SMIM14: variants seen among roughly 807,000 people sequenced by gnomAD.
SMIM14 encodes the protein chromosome 4 open reading frame 34.
Under a neutral mutation model 12.6 loss-of-function variants are expected in SMIM14, and 5 were observed. The ratio of observed to expected loss-of-function variants is 0.40; its 90% confidence interval spans 0.21 to 0.83. SMIM14 has a LOEUF of 0.83. Among genes scored for constraint, SMIM14 ranks in the 40% least tolerant of loss-of-function variants. SMIM14 has a pLI of 0.37. For synonymous variants in SMIM14, 30 were observed against 40.1 expected, an observed-to-expected ratio of 0.75 and a Z score of 0.95; for missense variants, 86 against 119.1, an observed-to-expected ratio of 0.72 and a Z score of 1.29.
chr4:39,610,811 T>C (rs905322296), intron 1 of SMIM14, among the ~76,000 whole-genome samples: 2 of 152,078 alleles, frequency 1.3e-5, no homozygotes, highest in Non-Finnish European at 2.9e-5. Context: ...ACATTTCTTA[T>C]GAGTATGTAT....
At chr4:39,632,897 TA>T (rs1234432827) in intron 1 of SMIM14, among the ~76,000 whole-genome samples, 1 of 150,234 alleles carries the variant, frequency 6.7e-6, no homozygotes, top group Admixed American at 6.7e-5. Flanking sequence ...ATAAATAAAT[TA>T]AAAAAATATT....
At chr4:39,589,353 C>G (rs1371292727) in intron 2 of SMIM14, among the ~76,000 whole-genome samples, 1 of 152,188 alleles carries the variant, frequency 6.6e-6, no homozygotes, top group African/African-American at 2.4e-5. Flanking sequence ...TCCCACAGTG[C>G]TGGGATTACA....
chr4:39,574,995 G>T (rs918329710), intron 2 of SMIM14, among the ~76,000 whole-genome samples: 1 of 151,574 alleles, frequency 6.6e-6, no homozygotes, highest in African/African-American at 2.4e-5. Flanking sequence ...AATTAGCCAG[G>T]CCTGGTGGTA....
At chr4:39,564,935 G>C (rs142097443) in intron 3 of SMIM14, among the ~76,000 whole-genome samples, 2 of 152,158 alleles carry the variant, frequency 1.3e-5, no homozygotes, top group African/African-American at 2.4e-5. Flanking sequence ...GATTAAGCTG[G>C]GTGTGGTGGC....
At chr4:39,628,002 G>T (rs1051396755) in intron 1 of SMIM14, among the ~76,000 whole-genome samples, 2 of 152,156 alleles carry the variant, frequency 1.3e-5, no homozygotes, top group Admixed American at 1.3e-4. Flanking sequence ...GTCATGGAGA[G>T]AAAATTTTTT....
rs775442112 is a variant in SMIM14 at position 39,635,257 on chromosome 4, T to A, written c.-36+3482A>T. The stretch of plus-strand genomic sequence containing the variant: ...ATTAGAATACAGGAAGAAACTCACA[T>A]GGCCAGGCTCCAGGGTACTGAACTA... On this transcript the variant is annotated intron_variant, in intron 1 of 4. Coordinates refer to ENST00000295958, the MANE Select transcript of SMIM14 (RefSeq NM_174921.3). Among the ~76,000 whole-genome samples the A allele has an allele frequency of 2.0e-5, 3 of 152,168 alleles. 1 individual carries two copies. The highest frequency in any genetic ancestry group is 1.3e-4 in the Admixed American group (2 of 15,258).
intron 2 of SMIM14, among the ~76,000 whole-genome samples, chr4:39,583,035 A>G (rs974136074): frequency 6.6e-6 from 1 of 151,530 alleles, no homozygotes; most frequent in Non-Finnish European, 1.5e-5. Context: ...CAGATGTTCC[A>G]CCCGCCTCAG....
chr4:39,627,164 C>T (rs946827504), intron 1 of SMIM14, among the ~76,000 whole-genome samples: 1 of 152,124 alleles, frequency 6.6e-6, no homozygotes, highest in African/African-American at 2.4e-5. Context: ...GGCACTACTC[C>T]TCATGATGAT....
At chr4:39,623,201 A>AG (rs890065052) in intron 1 of SMIM14, among the ~76,000 whole-genome samples, 1 of 152,228 alleles carries the variant, frequency 6.6e-6, no homozygotes, top group Non-Finnish European at 1.5e-5. Flanking sequence ...AAACCTGCCA[A>AG]GGGGGGAGAG....
chr4:39,579,464 G>T (rs1180206472), intron 2 of SMIM14, among the ~76,000 whole-genome samples: 5 of 151,034 alleles, frequency 3.3e-5, no homozygotes, highest in Non-Finnish European at 7.4e-5. Flanking sequence ...AAGGGATTAA[G>T]AGAATGGAAG....
At chr4:39,623,804 G>A (rs942910247) in intron 1 of SMIM14, among the ~76,000 whole-genome samples, 3 of 152,194 alleles carry the variant, frequency 2.0e-5, no homozygotes, top group African/African-American at 7.2e-5. Context: ...AGAGGTTGCA[G>A]TGAGCAGAGA....
At chr4:39,568,012 T>G (rs376198200) in intron 3 of SMIM14, among the ~76,000 whole-genome samples, 25 of 152,264 alleles carry the variant, frequency 1.6e-4, no homozygotes, top group African/African-American at 6.0e-4. Context: ...GCGCGGTAGC[T>G]CACGCCTGTA....
chr4:39,610,036 G>C (rs1714967471), intron 1 of SMIM14, among the ~76,000 whole-genome samples: 1 of 152,138 alleles, frequency 6.6e-6, no homozygotes, highest in South Asian at 2.1e-4. Flanking sequence ...TGTCACCCAG[G>C]TGGGAGTGCA....
At chr4:39,631,384 T>C (rs1179457691) in intron 1 of SMIM14, among the ~76,000 whole-genome samples, 5 of 146,858 alleles carry the variant, frequency 3.4e-5, no homozygotes, top group African/African-American at 1.0e-4. Context: ...TGTGGCCGGG[T>C]GCAGTGGCTC....
rs150943299 is a variant in SMIM14, at chr4:39,570,256, G to T, written c.124+2159C>A. On this transcript the variant is annotated intron_variant, in intron 3 of 4. Transcript: ENST00000295958. The stretch of plus-strand genomic sequence containing the variant: ...GCTTACTGCAACCTCTGCCTCCTGG[G>T]TTCAAGTGATTCTGGTGCCTCAGCC... Among the ~76,000 whole-genome samples, 1,267 of 152,172 alleles carry T rather than the reference G, an allele frequency of 8.3e-3. 16 individuals are homozygous for T. The highest frequency in any genetic ancestry group is 0.029 in the African/African-American group (1,207 of 41,512).
At chr4:39,580,082 T>C (rs1713420783) in intron 2 of SMIM14, among the ~76,000 whole-genome samples, 1 of 152,162 alleles carries the variant, frequency 6.6e-6, no homozygotes, top group African/African-American at 2.4e-5. Flanking sequence ...ACCTCATATG[T>C]GTTGGAGATG....
chr4:39,626,603 TTACCA>T (rs996546026), intron 1 of SMIM14, among the ~76,000 whole-genome samples: 7 of 152,220 alleles, frequency 4.6e-5, no homozygotes, highest in African/African-American at 1.7e-4. Flanking sequence ...AAGGTAGCTT[TTACCA>T]TCAAGAGCTT....
chr4:39,557,594 C>T (rs1476633353), intron 3 of SMIM14, among the ~76,000 whole-genome samples: 1 of 152,092 alleles, frequency 6.6e-6, no homozygotes, highest in Admixed American at 6.6e-5. Context: ...TACCTTCTGC[C>T]CTGTGTCTGG....
chr4:39,584,970 G>C (rs564988205), intron 2 of SMIM14, among the ~76,000 whole-genome samples: 1 of 151,844 alleles, frequency 6.6e-6, no homozygotes, highest in East Asian at 1.9e-4. Context: ...ACTTTCCCCA[G>C]CTCTACAAAG....
Sources: allele counts gnomAD v4.1 joint callset (sites outside exome capture counted in the v4.1 genomes callset), GRCh38; gene constraint gnomAD v4.1.1; transcripts MANE v1.5; gene names NCBI Gene and HGNC (gene_info 2026-07-23, HGNC 2026-07-21).